WASHC4: variants seen among roughly 807,000 people sequenced by gnomAD.
WASHC4 encodes the protein WASH complex subunit 4, also known as WASH complex subunit 7.
Under a neutral mutation model 166.6 loss-of-function variants are expected in WASHC4, and 86 were observed. The observed-to-expected ratio is 0.52, with a 90% CI of 0.43 to 0.62. WASHC4 has a LOEUF of 0.62. WASHC4 is among the 20% of genes least tolerant of loss of function. WASHC4 has a pLI of 0.00. For missense variants in WASHC4, 1,262 were observed against 1,382.4 expected (o/e 0.91, Z 1.38); for synonymous variants, 446 against 451.6 (o/e 0.99, Z 0.16).
chr12:105,112,728 T>G (rs1233868854), intron 2 of WASHC4, among the ~76,000 whole-genome samples: 1 of 152,210 alleles, frequency 6.6e-6, no homozygotes, highest in African/African-American at 2.4e-5. Flanking sequence ...GTTCACATCC[T>G]TTGCCCATTT....
At chr12:105,166,843 T>C (rs773305851) in intron 32 of WASHC4, 21 bp from the exon 33 acceptor site, 42 of 1,532,050 alleles carry the variant, frequency 2.7e-5, no homozygotes, top group Non-Finnish European at 3.7e-5. Context: ...TATCCATTAT[T>C]ATTTTCACTC....
intron 1 of WASHC4, among the ~76,000 whole-genome samples, chr12:105,109,257 T>C (rs926442737): frequency 3.9e-5 from 6 of 152,200 alleles, no homozygotes; most frequent in African/African-American, 1.4e-4. Flanking sequence ...TGGACAAAGA[T>C]GACGAACTGG....
intron 7 of WASHC4, among the ~76,000 whole-genome samples, chr12:105,119,782 T>C (rs1880551949): frequency 6.6e-6 from 1 of 152,254 alleles, no homozygotes; most frequent in Admixed American, 6.5e-5. Flanking sequence ...GCTTTAATAT[T>C]ATAAGCACTA....
chr12:105,146,852 A>G (rs546540334), intron 23 of WASHC4, among the ~76,000 whole-genome samples, 190 bp from the exon 24 acceptor site: 1 of 152,280 alleles, frequency 6.6e-6, no homozygotes, highest in African/African-American at 2.4e-5. Context: ...TGACGCTCAA[A>G]GGAAACGCTC....
chr12:105,121,239 C>A, intron 9 of WASHC4, 35 bp downstream of exon 9: 1 of 1,287,114 alleles, frequency 7.8e-7, no homozygotes, highest in Non-Finnish European at 1.1e-6. Flanking sequence ...ATGTTTCTTA[C>A]TTTGGTTAAT....
In WASHC4 at chr12:105,114,950, T is replaced by C. The variant is rs189651019; in HGVS notation, c.322-234T>C. Among the ~76,000 whole-genome samples, 3 of 151,970 alleles carry C rather than the reference T, an allele frequency of 2.0e-5. No individual in the cohort carries two copies. The East Asian group carries it at 5.8e-4, about 29-fold the overall frequency. On this transcript the variant is annotated intron_variant, in intron 4 of 32. Transcript: ENST00000332180. ...ATGGGAGGATGTGGGACAGTGAGGG[T>C]GGTCAGATAAGATGAAGTAAAGGCT...
At chr12:105,108,501 G>A (rs1220167305) in intron 1 of WASHC4, among the ~76,000 whole-genome samples, 1 of 152,126 alleles carries the variant, frequency 6.6e-6, no homozygotes, top group Non-Finnish European at 1.5e-5. Context: ...AGTTATAAAG[G>A]CTTCAAAAAT....
At position 105,111,164 on chromosome 12, in the gene WASHC4, T is replaced by A; in HGVS notation, c.101T>A (p.Phe34Tyr). Residue 34 changes from phenylalanine (F) to tyrosine (Y), a missense_variant, in exon 2 of 33, where the codon TTT becomes TAT. Phe to Tyr is a conservative substitution (Grantham distance 22, BLOSUM62 3). Coordinates refer to ENST00000332180, the MANE Select transcript of WASHC4 (RefSeq NM_015275.3). ...AEVQLKNYGKFLEEYTSQLRR... is the reference protein window; with the variant it reads ...AEVQLKNYGKYLEEYTSQLRR... ...GTCCAACTTAAGAATTATGGGAAAT[T>A]TCTTGAGGAGTATACCTCTCAACTG... The A allele has an allele frequency of 6.2e-7, 1 of 1,607,912 alleles. No homozygotes were observed.
chr12:105,121,499 T>G (rs1880737428), intron 9 of WASHC4, among the ~76,000 whole-genome samples: 1 of 152,036 alleles, frequency 6.6e-6, no homozygotes. Flanking sequence ...TCTATTCAGG[T>G]GACAGTTTTT....
At chr12:105,134,017 T>C in intron 14 of WASHC4, 121 bp downstream of exon 14, 1 of 898,808 alleles carries the variant, frequency 1.1e-6, no homozygotes, top group South Asian at 1.5e-5. Context: ...GTTGATTTGG[T>C]TATGTTGGGA....
chr12:105,118,451 G>A lies in WASHC4; in HGVS notation c.441G>A (p.Leu147=). 6.2e-7 allele frequency: 1 copy of A among 1,611,910 alleles called. No homozygotes were observed. ...MGRFISFLQE[L]SCFVTRCYEV... is the part of the protein sequence containing the mutation. ...TACCCACCTTCTCGTTTCAGGAACTGTCTTGCTTTGTTACGAGGTGCTATG... is the reference window on the plus strand; with the variant it reads ...TACCCACCTTCTCGTTTCAGGAACTATCTTGCTTTGTTACGAGGTGCTATG... The change falls in exon 7 of 33, where the codon CTG becomes CTA. Residue 147 remains leucine (L), a synonymous_variant. Transcript: ENST00000332180.
chr12:105,109,681 TCTCA>T (rs1015620900), intron 1 of WASHC4, among the ~76,000 whole-genome samples: 7 of 138,466 alleles, frequency 5.1e-5, no homozygotes, highest in African/African-American at 2.0e-4. Flanking sequence ...CGAGACAAGG[TCTCA>T]CTCTGTCGCC....
intron 6 of WASHC4, 137 bp downstream of exon 6, chr12:105,115,865 A>G (rs757569118): frequency 4.4e-5 from 30 of 677,230 alleles, no homozygotes; most frequent in Middle Eastern, 3.9e-4. Context: ...GCATTGGATT[A>G]TAGTTTAGGA....
intron 14 of WASHC4, among the ~76,000 whole-genome samples, chr12:105,135,110 T>C (rs1183580023): frequency 6.6e-6 from 1 of 152,064 alleles, no homozygotes; most frequent in African/African-American, 2.4e-5. Context: ...CTCCCTCTCA[T>C]CTTCTGTGCT....
intron 18 of WASHC4, among the ~76,000 whole-genome samples, chr12:105,141,630 TAA>T (rs1201921729): frequency 6.6e-6 from 1 of 152,238 alleles, no homozygotes; most frequent in Non-Finnish European, 1.5e-5. Context: ...GATTTTATTT[TAA>T]GACACGAATT....
chr12:105,112,664 A>G (rs756792248), intron 2 of WASHC4, among the ~76,000 whole-genome samples: 1 of 152,136 alleles, frequency 6.6e-6, no homozygotes, highest in Non-Finnish European at 1.5e-5. Context: ...AATAATGTTG[A>G]GCATCTTTTC....
Position 105,126,123 on chromosome 12 carries a change from A to T in WASHC4, c.906A>T (p.Lys302Asn). 1 of 1,613,010 alleles carries T rather than the reference A, an allele frequency of 6.2e-7. No homozygotes were observed. Among genetic ancestry groups the T allele is most frequent in the Non-Finnish European group, 8.5e-7 (1 of 1,179,344 alleles). Residue 302 changes from lysine (K) to asparagine (N), a missense_variant, in exon 11 of 33, where the codon AAA (lysine) becomes AAT (asparagine). Coordinates refer to ENST00000332180, the MANE Select transcript of WASHC4 (RefSeq NM_015275.3). ...IRSIFANVEA[K>N]LGEPSEIDQR... ...CAATTTTTGCAAATGTAGAAGCCAA[A>T]CTTGGTAATGTAAATCGCATTTTTT... is the stretch of plus-strand genomic sequence containing the variant.
At chr12:105,146,770 C>A (rs1883329843) in intron 23 of WASHC4, among the ~76,000 whole-genome samples, 1 of 151,664 alleles carries the variant, frequency 6.6e-6, no homozygotes, top group African/African-American at 2.4e-5. Context: ...TATCATATAC[C>A]ACTTGAGGAT....
intron 12 of WASHC4, 37 bp downstream of exon 12, chr12:105,126,399 T>C: frequency 6.9e-7 from 1 of 1,457,230 alleles, no homozygotes; most frequent in Non-Finnish European, 9.5e-7. Flanking sequence ...TTTGAGCAGA[T>C]TAAAAAGATT....
Sources: gnomAD v4.1 joint callset for allele counts (sites outside exome capture counted in the v4.1 genomes callset) on GRCh38, gnomAD v4.1.1 for gene constraint, MANE v1.5 for transcripts, NCBI Gene and HGNC (gene_info 2026-07-23, HGNC 2026-07-21) for gene names.